RIPOR3: variants seen among roughly 807,000 people sequenced by gnomAD.
The protein encoded by RIPOR3 is family with sequence similarity 65 member C.
RIPOR3 carries 95 observed loss-of-function variants against 114.3 expected under a neutral mutation model. The observed-to-expected ratio is 0.83, with a 90% CI of 0.70 to 0.99. RIPOR3 has a LOEUF of 0.99. Among genes scored for constraint, RIPOR3 ranks in the 50% least tolerant of loss-of-function variants. The pLI is 0.00. For missense variants in RIPOR3, 1,252 were observed against 1,266.9 expected (o/e 0.99, Z 0.18); for synonymous variants, 575 against 543.8 (o/e 1.06, Z -0.80).
intron 19 of RIPOR3, among the ~76,000 whole-genome samples, chr20:50,592,126 G>A (rs1050858248): frequency 6.6e-6 from 1 of 152,168 alleles, no homozygotes; most frequent in African/African-American, 2.4e-5. Flanking sequence ...AACATTCAGC[G>A]TGCAAGTGAC....
chr20:50,685,645 G>A (rs1055136642), intron 1 of RIPOR3, among the ~76,000 whole-genome samples: 1 of 124,446 alleles, frequency 8.0e-6, no homozygotes, highest in Non-Finnish European at 1.8e-5. Flanking sequence ...CCAACATGGC[G>A]AAACCCCCGT....
intron 1 of RIPOR3, among the ~76,000 whole-genome samples, chr20:50,672,292 C>T (rs2086539736): frequency 6.6e-6 from 1 of 152,164 alleles, no homozygotes; most frequent in Admixed American, 6.5e-5. Context: ...AGGACCAGTG[C>T]TTAGAGCTAC....
chr20:50,665,930 C>T (rs1169223516), intron 1 of RIPOR3, among the ~76,000 whole-genome samples: 2 of 151,970 alleles, frequency 1.3e-5, no homozygotes, highest in Admixed American at 6.6e-5. Context: ...AAAGCCAAAC[C>T]GAATCCCAGA....
At chr20:50,644,103 G>A (rs907946512) in intron 1 of RIPOR3, among the ~76,000 whole-genome samples, 1 of 151,968 alleles carries the variant, frequency 6.6e-6, no homozygotes, top group Non-Finnish European at 1.5e-5. Context: ...CTGGGCAACA[G>A]AATGAGACCA....
At chr20:50,590,456 G>GGGGCGATGGAGGGGCCC in intron 19 of RIPOR3, among the ~76,000 whole-genome samples, 1 of 152,380 alleles carries the variant, frequency 6.6e-6, no homozygotes, top group Admixed American at 6.5e-5. Context: ...CTGCACGGGT[G>GGGGCGATGGAGGGGCCC]GGGCGATGGA....
At chr20:50,677,831 A>C (rs1206091535) in intron 1 of RIPOR3, among the ~76,000 whole-genome samples, 1 of 151,180 alleles carries the variant, frequency 6.6e-6, no homozygotes, top group African/African-American at 2.4e-5. Context: ...CACCACGCCC[A>C]GCTAATTTTT....
chr20:50,595,597 T>G (rs1407366769), intron 15 of RIPOR3, 93 bp from the exon 16 acceptor site: 7 of 1,528,770 alleles, frequency 4.6e-6, no homozygotes, highest in African/African-American at 2.7e-5. Context: ...TGTGCCCATC[T>G]CTTCTGTCCC....
chr20:50,670,350 A>G (rs2086426990), intron 1 of RIPOR3, among the ~76,000 whole-genome samples: 2 of 151,574 alleles, frequency 1.3e-5, no homozygotes, highest in Non-Finnish European at 2.9e-5. Context: ...TCTCGTCATC[A>G]ACACCCAGAC....
intron 15 of RIPOR3, among the ~76,000 whole-genome samples, chr20:50,595,709 A>G (rs530164675): frequency 6.8e-6 from 1 of 146,218 alleles, no homozygotes; most frequent in Non-Finnish European, 1.5e-5. Flanking sequence ...TTGCCCCCAG[A>G]AGGAGGACCA....
At chr20:50,592,602 A>G in intron 18 of RIPOR3, 56 bp from the exon 19 acceptor site, 4 of 1,386,638 alleles carry the variant, frequency 2.9e-6, no homozygotes, top group Non-Finnish European at 3.8e-6. Flanking sequence ...TTGGCAGGAC[A>G]GCTGCAAGTT....
At chr20:50,617,378 C>T (rs1195705986) in intron 3 of RIPOR3, among the ~76,000 whole-genome samples, 1 of 152,150 alleles carries the variant, frequency 6.6e-6, no homozygotes, top group Non-Finnish European at 1.5e-5. Context: ...CCTTAAAGGA[C>T]ACAGAATCTG....
intron 13 of RIPOR3, among the ~76,000 whole-genome samples, 174 bp downstream of exon 13, chr20:50,601,898 G>A (rs189577349): frequency 6.6e-6 from 1 of 152,182 alleles, no homozygotes; most frequent in Non-Finnish European, 1.5e-5. Context: ...GAGGGCTGTT[G>A]TTATCCCCGC....
At chr20:50,642,345 GGTGTGT>G (rs71190581) in intron 1 of RIPOR3, among the ~76,000 whole-genome samples, 11 of 96,388 alleles carry the variant, frequency 1.1e-4, no homozygotes, top group Admixed American at 3.3e-4. Context: ...GTTCTCTGTG[GGTGTGT>G]GTGTGTGTGT....
intron 1 of RIPOR3, among the ~76,000 whole-genome samples, chr20:50,667,571 C>G (rs1022154517): frequency 6.6e-6 from 1 of 152,112 alleles, no homozygotes; most frequent in Non-Finnish European, 1.5e-5. Flanking sequence ...GGATTACAGG[C>G]GTGAGCCACC....
At chr20:50,688,584 C>A (rs6067513) in intron 1 of RIPOR3, among the ~76,000 whole-genome samples, 1 of 152,082 alleles carries the variant, frequency 6.6e-6, no homozygotes, top group Non-Finnish European at 1.5e-5. Flanking sequence ...CACAAGCTGG[C>A]ACAAGCTGCC....
At chr20:50,656,899 C>T (rs1412046401) in intron 1 of RIPOR3, among the ~76,000 whole-genome samples, 1 of 152,096 alleles carries the variant, frequency 6.6e-6, no homozygotes, top group African/African-American at 2.4e-5. Flanking sequence ...AAGTTGCTTC[C>T]GAAATATTAT....
chr20:50,686,166 C>T (rs2087014930), intron 1 of RIPOR3, among the ~76,000 whole-genome samples: 1 of 151,960 alleles, frequency 6.6e-6, no homozygotes, highest in Non-Finnish European at 1.5e-5. Flanking sequence ...ACGCCATTCT[C>T]CTGCCTCAGC....
At chr20:50,635,155 A>T (rs1350496443) in intron 1 of RIPOR3, among the ~76,000 whole-genome samples, 1 of 152,232 alleles carries the variant, frequency 6.6e-6, no homozygotes. Context: ...GACATTATGT[A>T]AAGGAATTAT....
chr20:50,691,250 G>A lies in RIPOR3; in HGVS notation c.-122C>T. On this transcript the variant is annotated 5_prime_UTR_variant, in exon 1 of 22. Transcript: ENST00000327979. ...CCGGGACTCCCGGACTCGAGCTAGGGCTCTGCAAATTCCATCCACACTGGC... is the reference window on the plus strand; with the variant it reads ...CCGGGACTCCCGGACTCGAGCTAGGACTCTGCAAATTCCATCCACACTGGC... 8.0e-7 allele frequency: 1 copy of A among 1,244,050 alleles called. No individual in the cohort carries two copies. Among genetic ancestry groups the A allele is most frequent in the Non-Finnish European group, 1.1e-6 (1 of 950,058 alleles). The allele number at this position is 1,244,050 out of a possible 1,614,324, so 77.1% of individuals were successfully genotyped here.
Sources: allele counts gnomAD v4.1 joint callset (sites outside exome capture counted in the v4.1 genomes callset), GRCh38; gene constraint gnomAD v4.1.1; transcripts MANE v1.5; gene names NCBI Gene and HGNC (gene_info 2026-07-23, HGNC 2026-07-21).